DSCAML1: variants seen among roughly 807,000 people sequenced by gnomAD.
The protein encoded by DSCAML1 is cell adhesion molecule DSCAML1.
Under a neutral mutation model 200.5 loss-of-function variants are expected in DSCAML1, and 38 were observed. The ratio of observed to expected loss-of-function variants is 0.19; its 90% CI spans 0.15 to 0.25. The LOEUF (loss-of-function observed/expected upper bound fraction) is 0.25. DSCAML1 is among the 10% of genes least tolerant of loss of function. The pLI, the probability that DSCAML1 is intolerant of heterozygous loss-of-function variation, is 1.00. For missense variants in DSCAML1, 2,223 were observed against 2,858.8 expected, an observed-to-expected ratio of 0.78 and a Z score of 5.07; for synonymous variants, 1,215 against 1,165.0, an observed-to-expected ratio of 1.04 and a Z score of -0.87.
At chr11:117,725,619 C>T (rs1055229101) in intron 3 of DSCAML1, among the ~76,000 whole-genome samples, 3 of 152,208 alleles carry the variant, frequency 2.0e-5, no homozygotes, top group Non-Finnish European at 4.4e-5. Context: ...TCAGCTGCTG[C>T]TCAGCCCAAA....
At position 117,593,457 on chromosome 11, in the gene DSCAML1, C is replaced by A. The variant is rs2051299314; in HGVS notation, c.512-60935G>T. The stretch of plus-strand genomic sequence containing the variant: ...GACAAATGAAATGTGAGAACCAAAG[C>A]CGCTCCCATGTCACCTGGAAAGAAG... On this transcript the variant is annotated intron_variant, in intron 3 of 32. Coordinates refer to ENST00000651296, the MANE Select transcript of DSCAML1 (RefSeq NM_020693.4). 4.6e-5 allele frequency among the ~76,000 whole-genome samples: 7 copies of A among 152,224 alleles called. No homozygotes were observed. In the South Asian group the frequency reaches 1.4e-3, roughly 31 times the overall value.
At chr11:117,785,627 C>T (rs1034562525) in intron 1 of DSCAML1, among the ~76,000 whole-genome samples, 12 of 152,096 alleles carry the variant, frequency 7.9e-5, no homozygotes, top group East Asian at 1.9e-4. Context: ...CAGCAGTCCC[C>T]GACAGTGGTG....
chr11:117,663,760 C>T (rs73592640), intron 3 of DSCAML1, among the ~76,000 whole-genome samples: 2,509 of 152,070 alleles, frequency 0.016, 72 homozygotes, highest in African/African-American at 0.056. Flanking sequence ...CATTCTGTAT[C>T]GGACTGAGTA....
chr11:117,574,682 G>A (rs970190995), intron 3 of DSCAML1, among the ~76,000 whole-genome samples: 6 of 152,170 alleles, frequency 3.9e-5, no homozygotes, highest in Non-Finnish European at 5.9e-5. Flanking sequence ...TGCAGGCCTG[G>A]ACTCAATGAG....
intron 3 of DSCAML1, among the ~76,000 whole-genome samples, chr11:117,606,695 C>T (rs2051573268): frequency 1.3e-5 from 2 of 152,194 alleles, no homozygotes; most frequent in Non-Finnish European, 2.9e-5. Context: ...AAGTCAGAGG[C>T]CCCCACTTCT....
intron 3 of DSCAML1, among the ~76,000 whole-genome samples, chr11:117,749,985 C>T (rs901709943): frequency 3.9e-5 from 6 of 152,156 alleles, no homozygotes; most frequent in Admixed American, 1.3e-4. Flanking sequence ...GAGCACTGTT[C>T]GACATATTAG....
chr11:117,640,646 C>G (rs1488950728), intron 3 of DSCAML1, among the ~76,000 whole-genome samples: 1 of 152,216 alleles, frequency 6.6e-6, no homozygotes, highest in Non-Finnish European at 1.5e-5. Flanking sequence ...CTCACGCCTT[C>G]TTGTCCCCGC....
chr11:117,499,440 A>C (rs1187054940), intron 11 of DSCAML1, among the ~76,000 whole-genome samples: 2 of 152,162 alleles, frequency 1.3e-5, no homozygotes, highest in Admixed American at 1.3e-4. Flanking sequence ...ACAGGCCCAG[A>C]GAAAGGAAGG....
chr11:117,456,846 T>C (rs2048380262), intron 19 of DSCAML1, among the ~76,000 whole-genome samples: 1 of 152,070 alleles, frequency 6.6e-6, no homozygotes, highest in East Asian at 1.9e-4. Flanking sequence ...GGCTAATTTT[T>C]GTATTTTTAG....
At chr11:117,767,145 T>G (rs536157111) in intron 3 of DSCAML1, among the ~76,000 whole-genome samples, 4 of 152,254 alleles carry the variant, frequency 2.6e-5, no homozygotes, top group African/African-American at 9.6e-5. Context: ...CCGAAGGTGA[T>G]GCCGGCCGCA....
At chr11:117,740,366 C>A (rs1181260374) in intron 3 of DSCAML1, among the ~76,000 whole-genome samples, 3 of 152,166 alleles carry the variant, frequency 2.0e-5, no homozygotes, top group Non-Finnish European at 4.4e-5. Flanking sequence ...AGTGTTCTAT[C>A]TACATCTAAC....
chr11:117,585,148 G>A (rs779632449), intron 3 of DSCAML1, among the ~76,000 whole-genome samples: 6 of 152,056 alleles, frequency 3.9e-5, no homozygotes, highest in Non-Finnish European at 7.4e-5. Context: ...CACGTGACTC[G>A]CCTCATTTTG....
chr11:117,548,135 C>T (rs1267310576), intron 3 of DSCAML1, among the ~76,000 whole-genome samples: 4 of 151,880 alleles, frequency 2.6e-5, no homozygotes, highest in African/African-American at 4.8e-5. Flanking sequence ...CGGCCGCTGT[C>T]GCCCCAGCCT....
At chr11:117,428,881 C>T (rs534713578) in intron 32 of DSCAML1, 78 bp from the exon 33 acceptor site, 5 of 1,367,188 alleles carry the variant, frequency 3.7e-6, no homozygotes, top group Admixed American at 2.2e-5. Flanking sequence ...CACCCCATCC[C>T]CTGCCCCCAG....
intron 6 of DSCAML1, among the ~76,000 whole-genome samples, chr11:117,519,374 C>T (rs963486494): frequency 6.6e-6 from 1 of 152,148 alleles, no homozygotes; most frequent in African/African-American, 2.4e-5. Context: ...GAGTCTTGGC[C>T]GGGGCTTAAG....
intron 3 of DSCAML1, among the ~76,000 whole-genome samples, chr11:117,535,678 G>T (rs1245045089): frequency 2.0e-5 from 3 of 152,124 alleles, no homozygotes; most frequent in Non-Finnish European, 4.4e-5. Context: ...TTATGTAACT[G>T]GGACTGGAAT....
chr11:117,763,153 C>T (rs1472231940), intron 3 of DSCAML1, among the ~76,000 whole-genome samples: 4 of 151,984 alleles, frequency 2.6e-5, no homozygotes, highest in Admixed American at 6.6e-5. Context: ...GGGTATGTGA[C>T]GGAGGCAGCT....
At chr11:117,510,535 CA>C (rs2049598439) in intron 8 of DSCAML1, among the ~76,000 whole-genome samples, 1 of 152,116 alleles carries the variant, frequency 6.6e-6, no homozygotes, top group African/African-American at 2.4e-5. Flanking sequence ...AAGCCCATCC[CA>C]GATCGCCTTA....
At position 117,430,727 on chromosome 11, in the gene DSCAML1, T is replaced by C. The variant is rs776290235; in HGVS notation, c.5681A>G (p.Asn1894Ser). 9.9e-6 allele frequency: 16 copies of C among 1,611,142 alleles called. No individual in the cohort carries two copies. The highest frequency in any genetic ancestry group is 1.4e-5 in the Non-Finnish European group (16 of 1,178,502). The change falls in exon 32 of 33, where the codon AAC becomes AGC. Residue 1894 changes from asparagine to serine, a missense_variant. Coordinates refer to ENST00000651296, the MANE Select transcript of DSCAML1 (RefSeq NM_020693.4). ...NVAVPIPHRA[N>S]KSDYCNLPLY... ...GAGGTGGTCTGAGCACTCACTCTTG[T>C]TGGCCCGGTGAGGGATGGGCACAGC...
Sources: allele counts gnomAD v4.1 joint callset (sites outside exome capture counted in the v4.1 genomes callset), GRCh38; gene constraint gnomAD v4.1.1; transcripts MANE v1.5; gene names NCBI Gene and HGNC (gene_info 2026-07-23, HGNC 2026-07-21).